The following CIAO2A variants were observed in gnomAD, a reference collection of about 807,000 sequenced individuals.
CIAO2A encodes MIP18 family protein FAM96A.
A neutral mutation model predicts 22.4 loss-of-function variants in CIAO2A; 17 were observed. The observed-to-expected ratio is 0.76, with a 90% CI of 0.52 to 1.14. The LOEUF (loss-of-function observed/expected upper bound fraction) is 1.14. Among genes scored for constraint, CIAO2A ranks in the 50% most tolerant of loss-of-function variants. CIAO2A has a pLI of 0.00. For synonymous variants in CIAO2A, 74 were observed against 72.3 expected (o/e 1.02, Z -0.12); for missense variants, 192 against 191.4 (o/e 1.00, Z -0.02).
At chr15:64,089,542 G>A (rs1279709296) in intron 1 of CIAO2A, among the ~76,000 whole-genome samples, 1 of 151,824 alleles carries the variant, frequency 6.6e-6, no homozygotes, top group African/African-American at 2.4e-5. Flanking sequence ...GGAAAGTAAA[G>A]TAAAGAAGAA....
chr15:64,088,967 G>C, intron 1 of CIAO2A, 116 bp from the exon 2 acceptor site: 1 of 882,578 alleles, frequency 1.1e-6, no homozygotes, highest in African/African-American at 1.7e-5. Context: ...AAATAGTACA[G>C]CAACTCCCAG....
At chr15:64,087,283 G>A (rs1272489087) in intron 2 of CIAO2A, among the ~76,000 whole-genome samples, 1 of 151,904 alleles carries the variant, frequency 6.6e-6, no homozygotes, top group East Asian at 1.9e-4. Context: ...AGTAGAGACA[G>A]GGTTTCACCA....
intron 3 of CIAO2A, among the ~76,000 whole-genome samples, chr15:64,076,908 A>G (rs892865947): frequency 6.6e-6 from 1 of 151,776 alleles, no homozygotes; most frequent in Non-Finnish European, 1.5e-5. Context: ...GTATCGCCAT[A>G]TTGCCCAAGC....
At chr15:64,093,215 C>G (rs1004845974) in intron 1 of CIAO2A, among the ~76,000 whole-genome samples, 24 of 152,200 alleles carry the variant, frequency 1.6e-4, no homozygotes, top group African/African-American at 5.6e-4. Flanking sequence ...TCGACTGTCA[C>G]CCACAAGCGC....
At chr15:64,083,213 A>T (rs924266392) in intron 2 of CIAO2A, among the ~76,000 whole-genome samples, 1 of 151,532 alleles carries the variant, frequency 6.6e-6, no homozygotes, top group Admixed American at 6.6e-5. Flanking sequence ...AAATAATAGT[A>T]TAAAATATTA....
chr15:64,089,078 G>A (rs886930824), intron 1 of CIAO2A, among the ~76,000 whole-genome samples: 1 of 152,104 alleles, frequency 6.6e-6, no homozygotes, highest in Non-Finnish European at 1.5e-5. Context: ...ACATTGCAGA[G>A]AAAATATAAT....
At chr15:64,084,913 T>G (rs997265947) in intron 2 of CIAO2A, among the ~76,000 whole-genome samples, 1 of 151,582 alleles carries the variant, frequency 6.6e-6, no homozygotes, top group Non-Finnish European at 1.5e-5. Context: ...GCCAACATGG[T>G]GAAACCCCGT....
intron 1 of CIAO2A, 112 bp downstream of exon 1, chr15:64,093,533 A>G: frequency 7.9e-7 from 1 of 1,266,758 alleles, no homozygotes; most frequent in Non-Finnish European, 1.1e-6. Context: ...AAACAAACAA[A>G]CAAAAAAAAA....
At chr15:64,089,030 T>C (rs896288975) in intron 1 of CIAO2A, among the ~76,000 whole-genome samples, 179 bp from the exon 2 acceptor site, 3 of 152,200 alleles carry the variant, frequency 2.0e-5, no homozygotes, top group African/African-American at 7.2e-5. Context: ...ACTGTTTTCT[T>C]GGATTATTAT....
chr15:64,074,211 T>C (rs2080698568), intron 4 of CIAO2A: 1 of 152,238 alleles, frequency 6.6e-6, no homozygotes, highest in African/African-American at 2.4e-5. Flanking sequence ...GACGACTATA[T>C]TCTTAATGTG....
rs895884560 is a variant in CIAO2A, at chr15:64,072,568, G to C, written c.*363C>G. Reference sequence around the variant, plus strand: ...CAATAAAAACAGTGAGTCATTATAAGAATCATCTGCTTATTTATTTTACAG... The same window carrying C: ...CAATAAAAACAGTGAGTCATTATAACAATCATCTGCTTATTTATTTTACAG... On this transcript the variant is annotated 3_prime_UTR_variant, in exon 5 of 5. Coordinates refer to ENST00000300030, the MANE Select transcript of CIAO2A (RefSeq NM_032231.7). 1 of 161,380 alleles carries C rather than the reference G, an allele frequency of 6.2e-6. No individual in the cohort carries two copies. Among genetic ancestry groups the C allele is most frequent in the Non-Finnish European group, 1.3e-5 (1 of 74,236 alleles). The allele number at this position is 161,380 out of a possible 1,614,324, so 10.0% of individuals were successfully genotyped here.
intron 3 of CIAO2A, among the ~76,000 whole-genome samples, chr15:64,075,864 T>C (rs942046635): frequency 6.6e-6 from 1 of 152,006 alleles, no homozygotes; most frequent in Non-Finnish European, 1.5e-5. Flanking sequence ...GGTTTCGCCA[T>C]GTTGGCCAGA....
At chr15:64,082,545 CA>C (rs2080765542) in intron 2 of CIAO2A, among the ~76,000 whole-genome samples, 1 of 152,004 alleles carries the variant, frequency 6.6e-6, no homozygotes, top group Non-Finnish European at 1.5e-5. Context: ...GTCTTGAACA[CA>C]GTAGTTCTAT....
chr15:64,088,762 T>C lies in CIAO2A; in HGVS notation c.214A>G (p.Ile72Val), dbSNP rs761815245. 5 of 1,614,110 alleles carry C rather than the reference T, an allele frequency of 3.1e-6. No individual in the cohort carries two copies. The highest frequency in any genetic ancestry group is 3.4e-6 in the Non-Finnish European group (4 of 1,179,990). ...ATAACCAGATATTCTTCTTCATTTA[T>C]CTCCTGAACTTCCACACAACTTTCC... is the stretch of plus-strand genomic sequence containing the variant. ...VSESCVEVQE[I>V]NEEEYLVIIR... Residue 72 changes from isoleucine (I) to valine (V), a missense_variant, in exon 2 of 5, where the codon ATA becomes GTA. Coordinates refer to ENST00000300030, the MANE Select transcript of CIAO2A (RefSeq NM_032231.7).
At position 64,081,115 on chromosome 15, in the gene CIAO2A, G is replaced by A. The variant is rs371297121; in HGVS notation, c.326C>T (p.Pro109Leu). The change falls in exon 3 of 5, where the codon CCA becomes CTA. Residue 109 changes from proline (P) to leucine (L), a missense_variant. By Grantham distance (98) the Pro-to-Leu change is moderately conservative. Coordinates refer to ENST00000300030, the MANE Select transcript of CIAO2A (RefSeq NM_032231.7). ...CLRVKLQRCL[P>L]FKHKLEIYIS... ...CATCTTTCTTACCTTATGTTTAAAT[G>A]GTAAACATCGCTGAAGTTTTACTCT... is the stretch of plus-strand genomic sequence containing the variant. The A allele has an allele frequency of 6.2e-7, 1 of 1,612,772 alleles. No homozygotes were observed. Among genetic ancestry groups the A allele is most frequent in the Non-Finnish European group, 8.5e-7 (1 of 1,179,608 alleles).
chr15:64,083,955 A>C (rs2080775276), intron 2 of CIAO2A, among the ~76,000 whole-genome samples: 1 of 151,992 alleles, frequency 6.6e-6, no homozygotes, highest in Non-Finnish European at 1.5e-5. Context: ...AAAAAAATAA[A>C]ATAAAATAAA....
intron 3 of CIAO2A, among the ~76,000 whole-genome samples, chr15:64,077,886 T>G (rs1226817511): frequency 6.6e-6 from 1 of 152,190 alleles, no homozygotes; most frequent in African/African-American, 2.4e-5. Flanking sequence ...GTTTAGAAAT[T>G]TATACTGTGG....
chr15:64,091,692 A>C (rs958047187), intron 1 of CIAO2A, among the ~76,000 whole-genome samples: 2 of 152,098 alleles, frequency 1.3e-5, no homozygotes, highest in African/African-American at 4.8e-5. Context: ...AAACCCTGAA[A>C]TTAAATATCA....
At chr15:64,088,630 T>G (rs531302546) in intron 2 of CIAO2A, 57 bp downstream of exon 2, 1 of 1,365,952 alleles carries the variant, frequency 7.3e-7, no homozygotes, top group Admixed American at 2.5e-5. Flanking sequence ...TGGGTCAATA[T>G]CAGCAAGAAT....
Sources: gnomAD v4.1 joint callset for allele counts (sites outside exome capture counted in the v4.1 genomes callset) on GRCh38, gnomAD v4.1.1 for gene constraint, MANE v1.5 for transcripts, NCBI Gene and HGNC (gene_info 2026-07-23, HGNC 2026-07-21) for gene names.